UNKL: variants seen among roughly 807,000 people sequenced by gnomAD.
The protein encoded by UNKL is putative E3 ubiquitin-protein ligase UNKL.
A neutral mutation model predicts 78.0 loss-of-function variants in UNKL; 60 were observed. The observed-to-expected ratio is 0.77, with a 90% CI of 0.63 to 0.95. UNKL has a LOEUF of 0.95. Among genes scored for constraint, UNKL ranks in the 40% least tolerant of loss-of-function variants. UNKL has a pLI of 0.00. For synonymous variants in UNKL, 608 were observed against 474.8 expected (o/e 1.28, Z -3.65); for missense variants, 1,159 against 1,045.7 (o/e 1.11, Z -1.49).
rs1167166842 is a variant in UNKL, at chr16:1,371,559, C to A, written c.1317G>T (p.Lys439Asn). 1 of 1,536,228 alleles carries A rather than the reference C, an allele frequency of 6.5e-7. No individual in the cohort carries two copies. Among genetic ancestry groups the A allele is most frequent in the Non-Finnish European group, 8.7e-7 (1 of 1,146,908 alleles). The change falls in exon 11 of 15, where the codon AAG becomes AAT. Residue 439 changes from lysine (K) to asparagine (N), a missense_variant. Coordinates refer to ENST00000389221, the MANE Select transcript of UNKL (RefSeq NM_001372107.1). ...CGTGGCCGTCTTGCTCTTCCAGGTC[C>A]TTCTCTAGGGATGCAATATTCACAT... Reference protein sequence around the residue: ...LSNVNIASLEKDLEEQDGHDL... With the variant: ...LSNVNIASLENDLEEQDGHDL...
intron 11 of UNKL, 128 bp from the exon 12 acceptor site, chr16:1,370,485 TA>T: frequency 8.1e-7 from 1 of 1,239,218 alleles, no homozygotes; most frequent in African/African-American, 1.6e-5. Flanking sequence ...GGTGGGAATA[TA>T]GGGGCCAGGC....
At chr16:1,378,446 C>G (rs978486524) in intron 10 of UNKL, among the ~76,000 whole-genome samples, 2 of 152,202 alleles carry the variant, frequency 1.3e-5, no homozygotes, top group African/African-American at 2.4e-5. Context: ...TCATGAAAAT[C>G]AAAGACGCAA....
rs1238787871 is a variant in UNKL, at chr16:1,364,697, G to A, written c.*1543C>T. 6.6e-6 allele frequency: 1 copy of A among 152,294 alleles called. No homozygotes were observed. The highest frequency in any genetic ancestry group is 1.9e-4 in the East Asian group (1 of 5,198). 9.4% of individuals were successfully genotyped at this position (152,294 alleles called of 1,614,324 possible). A position where few individuals can be genotyped will look rare whatever the true frequency, so the allele number is the denominator to read the frequency against. The stretch of plus-strand genomic sequence containing the variant: ...GGGGTCGCTTCCCCCGTGTGCTCCA[G>A]GCCACTGAGAGGCTGTGGCCGGGTC... On this transcript the variant is annotated 3_prime_UTR_variant, in exon 15 of 15. Coordinates refer to ENST00000389221, the MANE Select transcript of UNKL (RefSeq NM_001372107.1).
At position 1,408,496 on chromosome 16, in the gene UNKL, G is replaced by A. The variant is rs62011314; in HGVS notation, c.288-5152C>T. ...GGGTGCACAGTGGGGGCACCCACGG[G>A]GGCAGGCACCGGAGGGGGTGCCCAC... On this transcript the variant is annotated intron_variant, in intron 2 of 14. Transcript: ENST00000389221. 1.0e-3 allele frequency: 157 copies of A among 155,214 alleles called. 7 individuals carry two copies. In the South Asian group the frequency reaches 0.03, roughly 29 times the overall value. The allele number at this position is 155,214 out of a possible 1,614,324, so 9.6% of individuals were successfully genotyped here.
chr16:1,410,700 C>CT (rs1393649443), intron 2 of UNKL, among the ~76,000 whole-genome samples: 1 of 152,176 alleles, frequency 6.6e-6, no homozygotes, highest in African/African-American at 2.4e-5. Context: ...GCAGCAGTGG[C>CT]CCTACTTGCA....
rs923472639 is a variant in UNKL at position 1,365,840 on chromosome 16, A to G, written c.*400T>C. ...AGAGCAATTTATAACCTCTAACTAA[A>G]TTCCTCGGTTTACAAAGTGCTTTGA... On this transcript the variant is annotated 3_prime_UTR_variant, in exon 15 of 15. Coordinates refer to ENST00000389221, the MANE Select transcript of UNKL (RefSeq NM_001372107.1). The G allele has an allele frequency of 1.2e-5, 2 of 167,172 alleles. No homozygotes were observed. The highest frequency in any genetic ancestry group is 4.8e-5 in the African/African-American group (2 of 42,004). 10.4% of individuals were successfully genotyped at this position (167,172 alleles called of 1,614,324 possible). A position where few individuals can be genotyped will look rare whatever the true frequency, so the allele number is the denominator to read the frequency against.
At position 1,399,801 on chromosome 16, in the gene UNKL, G is replaced by A. The variant is rs1885900035; in HGVS notation, c.599-292C>T. ...ACCACCAGGGCTGGGAGGGAGTCCT[G>A]CTGTGGGTGTGCGGCTTCCTTGCTG... On this transcript the variant is annotated intron_variant, in intron 4 of 14. Transcript: ENST00000389221. The surrounding 1 kb of genome is among the most constrained non-coding windows in gnomAD (Gnocchi z 5.8). Among the ~76,000 whole-genome samples, 1 of 152,200 alleles carries A rather than the reference G, an allele frequency of 6.6e-6. No homozygotes were observed. The highest frequency in any genetic ancestry group is 2.4e-5 in the African/African-American group (1 of 41,454).
chr16:1,381,842 G>T (rs1239585399), intron 10 of UNKL, among the ~76,000 whole-genome samples: 1 of 152,236 alleles, frequency 6.6e-6, no homozygotes, highest in Non-Finnish European at 1.5e-5. Flanking sequence ...CTACTTGAGA[G>T]GCTGATGCAG....
At chr16:1,405,762 G>A in intron 2 of UNKL, 1 of 340,676 alleles carries the variant, frequency 2.9e-6, no homozygotes, top group East Asian at 7.6e-5. Context: ...GAGACAATCA[G>A]TGAGCAGAGC....
Position 1,366,050 on chromosome 16 carries a change from A to G in UNKL, c.*190T>C, listed in dbSNP as rs536938912. On this transcript the variant is annotated 3_prime_UTR_variant, in exon 15 of 15. Coordinates refer to ENST00000389221, the MANE Select transcript of UNKL (RefSeq NM_001372107.1). ...CCGTCGGTAGGACTAGATAGGTGAC[A>G]ACGTGTGACAGGAAAGGCTGTCAGG... 6 of 601,280 alleles carry G rather than the reference A, an allele frequency of 1.0e-5. No homozygotes were observed. In the East Asian group the frequency reaches 1.9e-4, roughly 19 times the overall value. 37.2% of individuals were successfully genotyped at this position (601,280 alleles called of 1,614,324 possible).
At chr16:1,407,711 G>A (rs2142256802) in intron 2 of UNKL, among the ~76,000 whole-genome samples, 1 of 147,976 alleles carries the variant, frequency 6.8e-6, no homozygotes, top group Middle Eastern at 3.6e-3. Context: ...AAAAAAAAAG[G>A]ACAAACCTGT....
intron 10 of UNKL, chr16:1,379,629 C>T (rs887229832): frequency 1.0e-6 from 1 of 984,656 alleles, no homozygotes; most frequent in African/African-American, 1.8e-5. Flanking sequence ...CTGGGGCCGC[C>T]GCCAATGCTG....
intron 10 of UNKL, among the ~76,000 whole-genome samples, chr16:1,377,818 GC>G (rs2036344811): frequency 6.6e-6 from 1 of 152,072 alleles, no homozygotes; most frequent in Admixed American, 6.5e-5. Flanking sequence ...CACCACGTGT[GC>G]AGGGGCTGCT....
At chr16:1,384,767 T>C (rs932799090) in intron 10 of UNKL, among the ~76,000 whole-genome samples, 15 of 152,092 alleles carry the variant, frequency 9.9e-5, no homozygotes, top group Non-Finnish European at 1.5e-5. Flanking sequence ...CTTGGCTAAT[T>C]ATTTTATTTT....
At chr16:1,379,629 C>G in intron 10 of UNKL, 1 of 984,762 alleles carries the variant, frequency 1.0e-6, no homozygotes, top group Non-Finnish European at 1.2e-6. Context: ...CTGGGGCCGC[C>G]GCCAATGCTG....
Position 1,403,366 on chromosome 16 carries a change from A to G in UNKL, c.288-22T>C. The G allele has an allele frequency of 1.2e-6, 2 of 1,611,192 alleles. No individual in the cohort carries two copies. The highest frequency in any genetic ancestry group is 1.7e-6 in the Non-Finnish European group (2 of 1,178,540). On this transcript the variant is annotated intron_variant, in intron 2 of 14. Coordinates refer to ENST00000389221, the MANE Select transcript of UNKL (RefSeq NM_001372107.1). The surrounding 1 kb of genome is among the most constrained non-coding windows in gnomAD (Gnocchi z 4.8). ...ACACCTGGGGAGCAGAGAGGCACGC[A>G]ATGCCTGGTTATCATGGACCCAGAG...
chr16:1,367,017 C>A lies in UNKL; in HGVS notation c.2046+75G>T, dbSNP rs533102520. 2.4e-4 allele frequency: 349 copies of A among 1,454,206 alleles called. No individual in the cohort carries two copies. The African/African-American group carries it at 4.4e-3, about 18-fold the overall frequency. The allele number at this position is 1,454,206 out of a possible 1,614,324, so 90.1% of individuals were successfully genotyped here. On this transcript the variant is annotated intron_variant, in intron 14 of 14. Transcript: ENST00000389221. The stretch of plus-strand genomic sequence containing the variant: ...GGGGAGGAAGGGGACACCGCACCAG[C>A]CAGGGCCCTCCCCAGACAGGGACAG...
intron 8 of UNKL, among the ~76,000 whole-genome samples, chr16:1,391,252 AC>A: frequency 5.6e-4 from 2 of 3,602 alleles, no homozygotes; most frequent in African/African-American, 6.8e-4. Context: ...ACACACACAC[AC>A]ACACACACAC....
chr16:1,413,695 TG>T, intron 2 of UNKL, 150 bp downstream of exon 2: 2 of 870,356 alleles, frequency 2.3e-6, no homozygotes, highest in Non-Finnish European at 3.4e-6. Flanking sequence ...CCAGCATCCC[TG>T]GTCACTAGAA....
Sources: allele counts gnomAD v4.1 joint callset (sites outside exome capture counted in the v4.1 genomes callset), GRCh38; gene constraint gnomAD v4.1.1; non-coding constraint Gnocchi (gnomAD v3.1); transcripts MANE v1.5; gene names NCBI Gene and HGNC (gene_info 2026-07-23, HGNC 2026-07-21).